WDR81: variants seen among roughly 807,000 people sequenced by gnomAD.
WDR81 encodes WD repeat domain 81.
Under a neutral mutation model 140.8 loss-of-function variants are expected in WDR81, and 92 were observed. That is an observed-to-expected ratio of 0.65 (90% CI 0.55 to 0.78). The LOEUF is 0.78. WDR81 is among the 30% of genes least tolerant of loss of function. The pLI is 0.00. For synonymous variants in WDR81, 1,183 were observed against 1,156.4 expected (o/e 1.02, Z -0.47); for missense variants, 2,502 against 2,636.4 (o/e 0.95, Z 1.12).
At chr17:1,721,047 G>A (rs1914836756), upstream of WDR81, among the ~76,000 whole-genome samples, 1 of 152,188 alleles carries the variant, frequency 6.6e-6, no homozygotes, top group African/African-American at 2.4e-5. Flanking sequence ...ACTGAGACCA[G>A]CGCAAAGAAC....
Position 1,727,517 on chromosome 17 carries a change from A to G in WDR81, c.2558A>G (p.Gln853Arg). The change falls in exon 1 of 10, where the codon CAG becomes CGG. Residue 853 changes from glutamine to arginine, a missense_variant. Gln to Arg is a conservative substitution (Grantham distance 43). Coordinates refer to ENST00000409644, the MANE Select transcript of WDR81 (RefSeq NM_001163809.2). ...DQLFEYRPVS[Q>R]GLPPPCPSQL... is the part of the protein sequence containing the mutation. ...CTGTTTGAGTACAGGCCTGTCTCCC[A>G]GGGCCTGCCCCCACCCTGCCCAAGC... 1 of 1,550,388 alleles carries G rather than the reference A, an allele frequency of 6.4e-7. No individual in the cohort carries two copies. Among genetic ancestry groups the G allele is most frequent in the South Asian group, 1.2e-5 (1 of 84,054 alleles).
rs1290508777 is a variant in WDR81 at position 1,738,397 on chromosome 17, G to A, written c.*712G>A. 1 of 153,262 alleles carries A rather than the reference G, an allele frequency of 6.5e-6. No homozygotes were observed. Among genetic ancestry groups the A allele is most frequent in the Non-Finnish European group, 1.5e-5 (1 of 68,712 alleles). 9.5% of individuals were successfully genotyped at this position (153,262 alleles called of 1,614,324 possible). A position where few individuals can be genotyped will look rare whatever the true frequency, so the allele number is the denominator to read the frequency against. On this transcript the variant is annotated 3_prime_UTR_variant, in exon 10 of 10. Coordinates refer to ENST00000409644, the MANE Select transcript of WDR81 (RefSeq NM_001163809.2). Reference sequence around the variant, plus strand: ...CCTCTGGGCCCTGAACCCCTGCTGGGGCTCCACGACCCTGAGAGAAGGGGT... The same window carrying A: ...CCTCTGGGCCCTGAACCCCTGCTGGAGCTCCACGACCCTGAGAGAAGGGGT...
rs772783397 is a variant in WDR81, at chr17:1,732,838, C to T, written c.4489+7C>T. On this transcript the variant is annotated splice_region_variant and intron_variant, in intron 6 of 9. Coordinates refer to ENST00000409644, the MANE Select transcript of WDR81 (RefSeq NM_001163809.2). ...CCCTTCTCCTGCCTGTTGGGTACTG[C>T]CCCATCACGTTCCCCATCACAGTCT... is the stretch of plus-strand genomic sequence containing the variant. The T allele has an allele frequency of 6.3e-6, 10 of 1,590,462 alleles. No individual in the cohort carries two copies. In the African/African-American group the frequency reaches 1.2e-4, roughly 19 times the overall value.
Position 1,726,705 on chromosome 17 carries a change from G to A in WDR81, c.1746G>A (p.Gln582=). Residue 582 remains glutamine (Q), a synonymous_variant, in exon 1 of 10, where the codon CAG becomes CAA. Coordinates refer to ENST00000409644, the MANE Select transcript of WDR81 (RefSeq NM_001163809.2). ...ACCTGGCCAGCTACGGGGTGGTGCA[G>A]CTCTTCGATCAGCCACACCCCCAGC... is the stretch of plus-strand genomic sequence containing the variant. ...HTHLASYGVV[Q]LFDQPHPQRL... The A allele has an allele frequency of 6.5e-7, 1 of 1,549,188 alleles. No individual in the cohort carries two copies. The highest frequency in any genetic ancestry group is 8.7e-7 in the Non-Finnish European group (1 of 1,146,900).
chr17:1,725,096 C>T lies in WDR81; in HGVS notation c.137C>T (p.Ala46Val), dbSNP rs1915133961. The change falls in exon 1 of 10, where the codon GCT becomes GTT. Residue 46 changes from alanine to valine, a missense_variant. Coordinates refer to ENST00000409644, the MANE Select transcript of WDR81 (RefSeq NM_001163809.2). ...CTGAGCATCGATCCCAGGCAGCTGGCTCCGGCCCCGGGGGGCACCCACGTG... is the reference window on the plus strand; with the variant it reads ...CTGAGCATCGATCCCAGGCAGCTGGTTCCGGCCCCGGGGGGCACCCACGTG... ...RDLSIDPRQL[A>V]PAPGGTHVVA... 1.3e-6 allele frequency: 2 copies of T among 1,502,738 alleles called. No individual in the cohort carries two copies. The highest frequency in any genetic ancestry group is 1.4e-5 in the African/African-American group (1 of 72,268). 93.1% of individuals were successfully genotyped at this position (1,502,738 alleles called of 1,614,324 possible). A position where few individuals can be genotyped will look rare whatever the true frequency, so the allele number is the denominator to read the frequency against.
In WDR81 at chr17:1,727,653, G is replaced by T. The variant is rs746979606; in HGVS notation, c.2694G>T (p.Gly898=). The T allele has an allele frequency of 1.3e-6, 2 of 1,550,420 alleles. No homozygotes were observed. The highest frequency in any genetic ancestry group is 1.4e-5 in the African/African-American group (1 of 73,062). ...GGCGTGTGGAGGACGAGGCCCAGGG[G>T]CGCGAGCTGGTGTTTGCTCTGTGGC... ...QARRVEDEAQ[G]RELVFALWQQ... Residue 898 remains glycine, a synonymous_variant, in exon 1 of 10, where the codon GGG becomes GGT. Coordinates refer to ENST00000409644, the MANE Select transcript of WDR81 (RefSeq NM_001163809.2).
rs1244491885 is a variant in WDR81, at chr17:1,727,574, C to T, written c.2615C>T (p.Pro872Leu). The T allele has an allele frequency of 6.4e-7, 1 of 1,550,404 alleles. No homozygotes were observed. The highest frequency in any genetic ancestry group is 8.7e-7 in the Non-Finnish European group (1 of 1,147,034). Residue 872 changes from proline to leucine, a missense_variant, in exon 1 of 10, where the codon CCC becomes CTC. This residue lies in a region of WDR81 where 1,737 missense variants were observed against 1,843.0 expected (regional missense o/e 0.94). Coordinates refer to ENST00000409644, the MANE Select transcript of WDR81 (RefSeq NM_001163809.2). ...QLLSPFSSVV[P>L]FPPYFPALHR... ...CTCAGCCCCTTCAGCTCCGTGGTTC[C>T]CTTCCCACCCTACTTCCCGGCACTG...
In WDR81 at chr17:1,732,837, G is replaced by GCCCCATCACGTT. The variant is rs777893104; in HGVS notation, c.4489+16_4489+27dup. On this transcript the variant is annotated splice_region_variant and intron_variant, in intron 6 of 9. Coordinates refer to ENST00000409644, the MANE Select transcript of WDR81 (RefSeq NM_001163809.2). ...GCCCTTCTCCTGCCTGTTGGGTACT[G>GCCCCATCACGTT]CCCCATCACGTTCCCCATCACAGTC... The GCCCCATCACGTT allele has an allele frequency of 1.9e-6, 3 of 1,590,816 alleles. No homozygotes were observed. Among genetic ancestry groups the GCCCCATCACGTT allele is most frequent in the Non-Finnish European group, 1.7e-6 (2 of 1,166,242 alleles).
In WDR81 at chr17:1,732,454, C is replaced by T. The variant is rs1904432857; in HGVS notation, c.4287C>T (p.Phe1429=). 6.2e-7 allele frequency: 1 copy of T among 1,613,508 alleles called. No homozygotes were observed. Among genetic ancestry groups the T allele is most frequent in the Non-Finnish European group, 8.5e-7 (1 of 1,180,004 alleles). The change falls in exon 5 of 10, where the codon TTC becomes TTT. Residue 1429 remains phenylalanine (F), a synonymous_variant. Transcript: ENST00000409644. ...TGAGCGAGCCCGTGGCCACCTTTTT[C>T]CAGGTCTTCTCTCAGCTGCATGAGC... ...QHLSEPVATF[F]QVFSQLHELR...
Position 1,728,325 on chromosome 17 carries a change from G to A in WDR81, c.3366G>A (p.Glu1122=), listed in dbSNP as rs1487809390. The change falls in exon 1 of 10, where the codon GAG becomes GAA. Residue 1122 remains glutamate, a synonymous_variant. Coordinates refer to ENST00000409644, the MANE Select transcript of WDR81 (RefSeq NM_001163809.2). Reference sequence around the variant, plus strand: ...CCAGCGAGACCTCCCTGGGTGAGGAGCGGGCTCCAGACGAGGGGGGTGCCC... The same window carrying A: ...CCAGCGAGACCTCCCTGGGTGAGGAACGGGCTCCAGACGAGGGGGGTGCCC... ...SSTSETSLGE[E]RAPDEGGAPV... is the part of the protein sequence containing the mutation. The A allele has an allele frequency of 6.2e-7, 1 of 1,612,786 alleles. No homozygotes were observed. Among genetic ancestry groups the A allele is most frequent in the Non-Finnish European group, 8.5e-7 (1 of 1,180,026 alleles).
upstream of WDR81, among the ~76,000 whole-genome samples, chr17:1,723,457 T>TTTTTTTTA (rs1555561785): frequency 3.8e-5 from 5 of 130,546 alleles, no homozygotes; most frequent in East Asian, 2.1e-4. Context: ...ATTTATTTAT[T>TTTTTTTTA]TTTATTTATT....
Position 1,736,212 on chromosome 17 carries a change from G to A in WDR81, c.5499G>A (p.Gln1833=), listed in dbSNP as rs1176697794. 6.3e-6 allele frequency: 10 copies of A among 1,596,554 alleles called. No homozygotes were observed. Among genetic ancestry groups the A allele is most frequent in the Non-Finnish European group, 8.5e-6 (10 of 1,178,492 alleles). Residue 1833 remains glutamine (Q), a synonymous_variant, in exon 9 of 10, where the codon CAG becomes CAA. Transcript: ENST00000409644. ...GWPAHEGDIL[Q]IKAVEGSVLV... ...CAGCCCACGAGGGGGACATTCTGCAGATCAAGGTGACGGGCCGGGTCTCCC... is the reference window on the plus strand; with the variant it reads ...CAGCCCACGAGGGGGACATTCTGCAAATCAAGGTGACGGGCCGGGTCTCCC...
In WDR81 at chr17:1,733,613, C is replaced by G. The variant is rs145230769; in HGVS notation, c.4576C>G (p.Arg1526Gly). Residue 1526 changes from arginine (R) to glycine (G), a missense_variant, in exon 7 of 10, where the codon CGC (arginine) becomes GGC (glycine). This residue lies in a region of WDR81 where 1,737 missense variants were observed against 1,843.0 expected (regional missense o/e 0.94). Coordinates refer to ENST00000409644, the MANE Select transcript of WDR81 (RefSeq NM_001163809.2). ...CTTGGAGAGCATCAGCCCCAGCAGTCGCAACCCTGCCAGCGTGGAGCCCAC... is the reference window on the plus strand; with the variant it reads ...CTTGGAGAGCATCAGCCCCAGCAGTGGCAACCCTGCCAGCGTGGAGCCCAC... ...LYLESISPSSRNPASVEPTMP... is the reference protein window; with the variant it reads ...LYLESISPSSGNPASVEPTMP... The G allele has an allele frequency of 2.2e-4, 352 of 1,587,224 alleles. 1 individual carries two copies. Among genetic ancestry groups the G allele is most frequent in the Non-Finnish European group, 2.9e-4 (334 of 1,166,098 alleles).
At chr17:1,723,455 ATTTTTATT>A (rs1482187246), upstream of WDR81, among the ~76,000 whole-genome samples, 836 of 113,762 alleles carry the variant, frequency 7.3e-3, 8 homozygotes, top group African/African-American at 0.024. Flanking sequence ...TTATTTATTT[ATTTTTATT>A]TATTTATTTA....
chr17:1,720,725 A>C (rs1363005881), upstream of WDR81, among the ~76,000 whole-genome samples: 4 of 151,406 alleles, frequency 2.6e-5, no homozygotes, highest in African/African-American at 9.7e-5. Context: ...AGATCGTGCC[A>C]CAGCACTCCA....
In WDR81 at chr17:1,732,795, G is replaced by C; in HGVS notation, c.4453G>C (p.Ala1485Pro). 4 of 1,612,848 alleles carry C rather than the reference G, an allele frequency of 2.5e-6. No individual in the cohort carries two copies. Among genetic ancestry groups the C allele is most frequent in the Non-Finnish European group, 3.4e-6 (4 of 1,179,782 alleles). The stretch of plus-strand genomic sequence containing the variant: ...GCAGAAGGTGTTCACCCTGGAGATG[G>C]CATACACAATCTACGTGCCCTTCTC... ...ELQKVFTLEM[A>P]YTIYVPFSCL... is the part of the protein sequence containing the mutation. The change falls in exon 6 of 10, where the codon GCA becomes CCA. Residue 1485 changes from alanine (A) to proline (P), a missense_variant. Ala to Pro is a conservative substitution (Grantham distance 27). This residue lies in a region of WDR81 where 1,737 missense variants were observed against 1,843.0 expected (regional missense o/e 0.94). Transcript: ENST00000409644.
chr17:1,734,122 G>C lies in WDR81; in HGVS notation c.5085G>C (p.Gln1695His). The C allele has an allele frequency of 6.2e-7, 1 of 1,600,584 alleles. No homozygotes were observed. Among genetic ancestry groups the C allele is most frequent in the South Asian group, 1.1e-5 (1 of 91,070 alleles). Residue 1695 changes from glutamine (Q) to histidine (H), a missense_variant, in exon 7 of 10, where the codon CAG becomes CAC. Gln to His is a conservative substitution (Grantham distance 24, BLOSUM62 0). This residue lies in a region of WDR81 where 1,737 missense variants were observed against 1,843.0 expected (regional missense o/e 0.94). Transcript: ENST00000409644. Reference protein sequence around the residue: ...SETAPRLVYTQHRKSVFFVGQ... With the variant: ...SETAPRLVYTHHRKSVFFVGQ... Reference sequence around the variant, plus strand: ...CGGCCCCACGCCTCGTCTACACCCAGCACCGCAAGAGCGTCTTCTTCGTGG... The same window carrying C: ...CGGCCCCACGCCTCGTCTACACCCACCACCGCAAGAGCGTCTTCTTCGTGG...
In WDR81 at chr17:1,727,526, C is replaced by T. The variant is rs587776906; in HGVS notation, c.2567C>T (p.Pro856Leu). The change falls in exon 1 of 10, where the codon CCC becomes CTC. Residue 856 changes from proline (P) to leucine (L), a missense_variant. Pro to Leu is a moderately conservative substitution (Grantham distance 98). Transcript: ENST00000409644. ...TACAGGCCTGTCTCCCAGGGCCTGC[C>T]CCCACCCTGCCCAAGCCAGCTTCTC... ...FEYRPVSQGL[P>L]PPCPSQLLSP... The T allele has an allele frequency of 9.0e-6, 14 of 1,550,304 alleles. No individual in the cohort carries two copies. The Admixed American group carries it at 2.2e-4, about 24-fold the overall frequency.
chr17:1,724,957 G>T lies in WDR81; in HGVS notation c.-3G>T. The T allele has an allele frequency of 7.0e-7, 1 of 1,431,146 alleles. No homozygotes were observed. Among genetic ancestry groups the T allele is most frequent in the East Asian group, 2.6e-5 (1 of 38,402 alleles). 88.7% of individuals were successfully genotyped at this position (1,431,146 alleles called of 1,614,324 possible). On this transcript the variant is annotated 5_prime_UTR_variant, in exon 1 of 10. Transcript: ENST00000409644. Reference sequence around the variant, plus strand: ...CGCGCTGCCCCCGGGCGGCCTGGAGGAGATGGCCCAGGGCAGCGGGGGGCG... The same window carrying T: ...CGCGCTGCCCCCGGGCGGCCTGGAGTAGATGGCCCAGGGCAGCGGGGGGCG...
Sources: allele counts gnomAD v4.1 joint callset (sites outside exome capture counted in the v4.1 genomes callset), GRCh38; gene constraint gnomAD v4.1.1; regional missense constraint gnomAD v4.1.1; transcripts MANE v1.5; gene names NCBI Gene and HGNC (gene_info 2026-07-23, HGNC 2026-07-21).